The following RNF135 variants were observed in gnomAD, a reference collection of about 807,000 sequenced individuals.
RNF135 encodes E3 ubiquitin-protein ligase RNF135.
In RNF135, 46 loss-of-function variants were observed where a neutral mutation model predicts 41.9. The ratio of observed to expected loss-of-function variants is 1.10; its 90% confidence interval spans 0.87 to 1.40. The LOEUF (loss-of-function observed/expected upper bound fraction) is 1.40. Among genes scored for constraint, RNF135 ranks in the 40% most tolerant of loss-of-function variants. The pLI, the probability that RNF135 is intolerant of heterozygous loss-of-function variation, is 0.00. For synonymous variants in RNF135, 238 were observed against 223.8 expected (o/e 1.06, Z -0.57); for missense variants, 539 against 549.8 (o/e 0.98, Z 0.20).
chr17:30,998,506 TA>T (rs1330729059), intron 4 of RNF135, among the ~76,000 whole-genome samples, 155 bp from the exon 5 acceptor site: 4 of 152,256 alleles, frequency 2.6e-5, no homozygotes, highest in Non-Finnish European at 5.9e-5. Context: ...CTGAAACATT[TA>T]TCATTTCTTC....
At chr17:30,992,640 A>G (rs1160496202) in intron 3 of RNF135, among the ~76,000 whole-genome samples, 1 of 151,536 alleles carries the variant, frequency 6.6e-6, no homozygotes, top group Non-Finnish European at 1.5e-5. Context: ...TAATTCTTGT[A>G]TTTTTGGGTA....
chr17:30,981,698 G>A (rs190118468), intron 1 of RNF135, among the ~76,000 whole-genome samples: 43 of 152,276 alleles, frequency 2.8e-4, no homozygotes, highest in African/African-American at 9.6e-4. Context: ...GTCCTTCTTG[G>A]GAAGGCTTTC....
intron 1 of RNF135, among the ~76,000 whole-genome samples, chr17:30,980,946 CT>C (rs1353350942): frequency 1.3e-5 from 2 of 150,576 alleles, no homozygotes; most frequent in African/African-American, 4.9e-5. Context: ...AAGCTCCTCA[CT>C]TCCCAGACGG....
chr17:30,963,020 T>C, the RNF135 span, among the ~76,000 whole-genome samples: 25 of 151,914 alleles, frequency 1.6e-4, no homozygotes, highest in African/African-American at 6.0e-4. Context: ...CGGTTGACAA[T>C]GTCGAAGTCC....
At chr17:30,972,611 C>A (rs746754001) in intron 1 of RNF135, 2 of 152,208 alleles carry the variant, frequency 1.3e-5, no homozygotes, top group African/African-American at 2.4e-5. Context: ...TTTGCCTGTT[C>A]TAGATATTTC....
chr17:30,983,354 T>TATATA (rs1491179041), intron 1 of RNF135, among the ~76,000 whole-genome samples: 14 of 25,648 alleles, frequency 5.5e-4, no homozygotes, highest in East Asian at 3.2e-3. Flanking sequence ...TATATATATA[T>TATATA]TTTTTTTTTT....
chr17:30,989,322 G>T (rs1907829915), intron 3 of RNF135, among the ~76,000 whole-genome samples: 1 of 152,090 alleles, frequency 6.6e-6, no homozygotes, highest in Admixed American at 6.5e-5. Flanking sequence ...TCATGCCACT[G>T]CATTGCATCC....
chr17:30,971,167 G>C lies in RNF135; in HGVS notation c.94G>C (p.Ala32Pro). 1 of 1,531,104 alleles carries C rather than the reference G, an allele frequency of 6.5e-7. No individual in the cohort carries two copies. The highest frequency in any genetic ancestry group is 8.7e-7 in the Non-Finnish European group (1 of 1,144,892). 94.8% of individuals were successfully genotyped at this position (1,531,104 alleles called of 1,614,324 possible). A position where few individuals can be genotyped will look rare whatever the true frequency, so the allele number is the denominator to read the frequency against. Residue 32 changes from alanine (A) to proline (P), a missense_variant, in exon 1 of 5, where the codon GCC becomes CCC. Around this residue, in one of 2 missense-constraint regions of RNF135, gnomAD observed 277 missense variants for 212.8 expected, o/e 1.30. Transcript: ENST00000328381. The part of the protein sequence containing the change: ...IICQGLLDWP[A>P]TLPCGHSFCR... ...CTGCCAGGGGCTGCTGGACTGGCCC[G>C]CCACGCTGCCCTGCGGCCACAGCTT...
rs113281341 is a variant in RNF135 at position 30,991,480 on chromosome 17, G to A, written c.679+3374G>A. 1.4e-3 allele frequency among the ~76,000 whole-genome samples: 211 copies of A among 148,920 alleles called. 2 individuals are homozygous for A. The highest frequency in any genetic ancestry group is 4.9e-3 in the African/African-American group (199 of 40,344). On this transcript the variant is annotated intron_variant, in intron 3 of 4. Transcript: ENST00000328381. ...TGTCCAGGTTGGAGTGCAGTGGCCC[G>A]ATCTCGGCACACTGCAATCTCCGTC...
In RNF135 at chr17:30,984,726, C is replaced by G. The variant is rs770457288; in HGVS notation, c.482C>G (p.Ser161Cys). The G allele has an allele frequency of 6.2e-7, 1 of 1,614,172 alleles. No individual in the cohort carries two copies. The highest frequency in any genetic ancestry group is 8.5e-7 in the Non-Finnish European group (1 of 1,180,032). The part of the protein sequence containing the change: ...SLQNQRPLSE[S>C]GPDNELSILG... Reference sequence around the variant, plus strand: ...CAGAATCAGAGGCCCCTATCAGAATCTGGACCAGACAACGAACTGAGCATC... The same window carrying G: ...CAGAATCAGAGGCCCCTATCAGAATGTGGACCAGACAACGAACTGAGCATC... Residue 161 changes from serine to cysteine, a missense_variant, in exon 2 of 5, where the codon TCT (serine) becomes TGT (cysteine). This residue lies in a region of RNF135 where 262 missense variants were observed against 336.9 expected (regional missense o/e 0.78). Transcript: ENST00000328381.
chr17:30,994,321 T>C (rs894571927), intron 3 of RNF135, among the ~76,000 whole-genome samples: 2 of 152,052 alleles, frequency 1.3e-5, no homozygotes, highest in Admixed American at 6.6e-5. Flanking sequence ...GGTGGGCAGA[T>C]CAGTTGAGTC....
Position 30,999,078 on chromosome 17 carries a change from G to T in RNF135, c.1186G>T (p.Glu396Ter), listed in dbSNP as rs749576159. The T allele has an allele frequency of 6.2e-6, 10 of 1,614,054 alleles. No individual in the cohort carries two copies. The highest frequency in any genetic ancestry group is 3.3e-4 in the Middle Eastern group (2 of 6,084). The change falls in exon 5 of 5, where the codon GAG becomes TAG. Residue 396 changes from glutamate (E) to a stop codon, truncating the protein, a stop_gained. Coordinates refer to ENST00000328381, the MANE Select transcript of RNF135 (RefSeq NM_032322.4). LOFTEE classifies it high-confidence loss of function. ...KLAFYSVDNQ[E>*]KLLYECTISA... ...TGCCTTCTATTCAGTGGACAATCAG[G>T]AGAAGCTTCTGTATGAGTGTACCAT...
chr17:30,971,608 A>T lies in RNF135; in HGVS notation c.372+163A>T, dbSNP rs910576969. 15 of 1,353,220 alleles carry T rather than the reference A, an allele frequency of 1.1e-5. No individual in the cohort carries two copies. The African/African-American group carries it at 1.9e-4, about 17-fold the overall frequency. 83.8% of individuals were successfully genotyped at this position (1,353,220 alleles called of 1,614,324 possible). A position where few individuals can be genotyped will look rare whatever the true frequency, so the allele number is the denominator to read the frequency against. On this transcript the variant is annotated intron_variant, in intron 1 of 4. Transcript: ENST00000328381. ...TCTTCGGAGGCACTTTGGAAAGTTC[A>T]TAAAAGTATGAAGAAGTAGAAAAAA...
chr17:30,971,704 C>T (rs1428297429), intron 1 of RNF135: 1 of 1,323,072 alleles, frequency 7.6e-7, no homozygotes, highest in South Asian at 2.1e-5. Context: ...AACTTCTTCC[C>T]AATCGATCTT....
At chr17:30,986,730 A>G (rs1305619040) in intron 2 of RNF135, among the ~76,000 whole-genome samples, 1 of 152,198 alleles carries the variant, frequency 6.6e-6, no homozygotes, top group African/African-American at 2.4e-5. Context: ...TCAGGTTCCT[A>G]TCTGTAATAT....
the RNF135 span, among the ~76,000 whole-genome samples, chr17:30,961,033 C>T: frequency 6.6e-6 from 1 of 152,132 alleles, no homozygotes; most frequent in African/African-American, 2.4e-5. Context: ...GCCACCACGC[C>T]AGGCCTGTAA....
chr17:30,960,990 C>T, the RNF135 span, among the ~76,000 whole-genome samples: 4 of 152,052 alleles, frequency 2.6e-5, no homozygotes, highest in Non-Finnish European at 4.4e-5. Context: ...CCACCTGCCT[C>T]GGCCTCCCAA....
At chr17:30,962,476 T>G in the RNF135 span, among the ~76,000 whole-genome samples, 1 of 149,706 alleles carries the variant, frequency 6.7e-6, no homozygotes, top group African/African-American at 2.5e-5. Context: ...TACATTTTTG[T>G]TTTTTTTGAG....
intron 1 of RNF135, among the ~76,000 whole-genome samples, chr17:30,982,867 A>G (rs1907254801): frequency 6.6e-6 from 1 of 152,182 alleles, no homozygotes; most frequent in Non-Finnish European, 1.5e-5. Context: ...AGGGTACCAT[A>G]ACTCTTTTCA....
Sources: gnomAD v4.1 joint callset for allele counts (sites outside exome capture counted in the v4.1 genomes callset) on GRCh38, gnomAD v4.1.1 for gene constraint, gnomAD v4.1.1 regional missense constraint, MANE v1.5 for transcripts, NCBI Gene and HGNC (gene_info 2026-07-23, HGNC 2026-07-21) for gene names.